Variants in MTHFD2L observed in about 807,000 individuals in gnomAD.
The protein encoded by MTHFD2L is bifunctional methylenetetrahydrofolate dehydrogenase/cyclohydrolase 2, mitochondrial.
A neutral mutation model predicts 34.9 loss-of-function variants in MTHFD2L; 29 were observed. That is an observed-to-expected ratio of 0.83 (90% CI 0.62 to 1.13). The LOEUF is 1.13. Among genes scored for constraint, MTHFD2L ranks in the 50% most tolerant of loss-of-function variants. MTHFD2L has a pLI of 0.00. For missense variants in MTHFD2L, 481 were observed against 446.5 expected (o/e 1.08, Z -0.70); for synonymous variants, 167 against 155.7 (o/e 1.07, Z -0.54).
chr4:74,242,311 C>T (rs1741843527), intron 6 of MTHFD2L: 1 of 151,976 alleles, frequency 6.6e-6, no homozygotes. Flanking sequence ...TATCATGGTA[C>T]ATTATTTTTA....
chr4:74,282,190 T>C (rs1747583262), intron 7 of MTHFD2L, among the ~76,000 whole-genome samples: 1 of 152,156 alleles, frequency 6.6e-6, no homozygotes, highest in South Asian at 2.1e-4. Flanking sequence ...TCTAGATGCC[T>C]GACCCTCTAA....
intron 1 of MTHFD2L, chr4:74,143,556 C>A: frequency 2.5e-6 from 1 of 395,258 alleles, no homozygotes; most frequent in Non-Finnish European, 3.4e-6. Context: ...GCCAAAGCAG[C>A]TCCATTTTCT....
intron 6 of MTHFD2L, among the ~76,000 whole-genome samples, chr4:74,258,970 T>A (rs190647800): frequency 2.2e-4 from 34 of 152,354 alleles, no homozygotes; most frequent in Admixed American, 2.1e-3. Flanking sequence ...TAGAAATTCA[T>A]CATGGTCATA....
chr4:74,247,149 T>C (rs549097447), intron 6 of MTHFD2L, among the ~76,000 whole-genome samples: 1,738 of 151,354 alleles, frequency 0.011, 44 homozygotes, highest in African/African-American at 0.04. Context: ...TCCTCTTTTA[T>C]TTCATTGAGC....
At chr4:74,116,426 A>G (rs1721656563) in intron 2 of MTHFD2L, among the ~76,000 whole-genome samples, 1 of 152,218 alleles carries the variant, frequency 6.6e-6, no homozygotes, top group Non-Finnish European at 1.5e-5. Flanking sequence ...CTGTAAAGAA[A>G]TAAAGTCAGA....
intron 6 of MTHFD2L, among the ~76,000 whole-genome samples, chr4:74,237,909 T>A (rs543839066): frequency 6.6e-6 from 1 of 152,344 alleles, no homozygotes; most frequent in Admixed American, 6.5e-5. Flanking sequence ...ATTGCTTTAC[T>A]TTCTACTGTG....
Position 74,300,533 on chromosome 4 carries a change from A to G in MTHFD2L, c.932-1164A>G, listed in dbSNP as rs771596604. The stretch of plus-strand genomic sequence containing the variant: ...TAAATAGCATGTGGTTAATAATGTC[A>G]GATTATGCATTAAAGAAATATTGTC... On this transcript the variant is annotated intron_variant, in intron 7 of 7. Transcript: ENST00000325278. Among the ~76,000 whole-genome samples the G allele has an allele frequency of 3.6e-4, 54 of 152,086 alleles. 2 individuals are homozygous for G. The highest frequency in any genetic ancestry group is 8.8e-5 in the Non-Finnish European group (6 of 67,958).
At chr4:74,250,800 T>C (rs755546018) in intron 6 of MTHFD2L, among the ~76,000 whole-genome samples, 1 of 152,142 alleles carries the variant, frequency 6.6e-6, no homozygotes, top group Non-Finnish European at 1.5e-5. Context: ...TCTGTATGTG[T>C]GTGTTAAGAT....
At chr4:74,257,709 G>A (rs973095881) in intron 6 of MTHFD2L, among the ~76,000 whole-genome samples, 2 of 152,066 alleles carry the variant, frequency 1.3e-5, no homozygotes, top group Admixed American at 6.6e-5. Context: ...GGATATGACC[G>A]CCAAAGCACA....
upstream of MTHFD2L, among the ~76,000 whole-genome samples, chr4:74,122,743 T>C (rs958794847): frequency 6.6e-6 from 1 of 152,192 alleles, no homozygotes; most frequent in Non-Finnish European, 1.5e-5. Context: ...AACAGTTTTA[T>C]CTATCTATCC....
chr4:74,290,998 C>CTTTTTTTTT (rs1560565979), intron 7 of MTHFD2L, among the ~76,000 whole-genome samples: 10 of 46,184 alleles, frequency 2.2e-4, no homozygotes, highest in African/African-American at 6.7e-4. Flanking sequence ...TTTATTTTTC[C>CTTTTTTTTT]TTTTCTTTTT....
intron 1 of MTHFD2L, among the ~76,000 whole-genome samples, chr4:74,150,560 G>A (rs1035766807): frequency 1.3e-5 from 2 of 152,106 alleles, no homozygotes; most frequent in African/African-American, 4.8e-5. Flanking sequence ...GGCCAAGTTT[G>A]TATTATTTAA....
chr4:74,236,989 A>G (rs911810774), intron 6 of MTHFD2L, among the ~76,000 whole-genome samples: 4 of 152,196 alleles, frequency 2.6e-5, no homozygotes, highest in African/African-American at 7.2e-5. Flanking sequence ...TAACACCCAT[A>G]TCAGGCATAA....
At chr4:74,208,110 C>T (rs1204645075) in intron 5 of MTHFD2L, among the ~76,000 whole-genome samples, 2 of 152,126 alleles carry the variant, frequency 1.3e-5, no homozygotes, top group Non-Finnish European at 2.9e-5. Context: ...ACTCTCATCC[C>T]ACTACCCCCA....
chr4:74,201,355 C>T lies in MTHFD2L; in HGVS notation c.697C>T (p.His233Tyr), dbSNP rs770273067. 1 of 1,612,774 alleles carries T rather than the reference C, an allele frequency of 6.2e-7. No individual in the cohort carries two copies. Among genetic ancestry groups the T allele is most frequent in the South Asian group, 1.1e-5 (1 of 90,868 alleles). The change falls in exon 5 of 8, where the codon CAT becomes TAT. Residue 233 changes from histidine (H) to tyrosine (Y), a missense_variant. His to Tyr is a moderately conservative substitution (Grantham distance 83). Coordinates refer to ENST00000325278, the MANE Select transcript of MTHFD2L (RefSeq NM_001144978.3). ...IAMLLHTDGEHERPGGDATVT... is the reference protein window; with the variant it reads ...IAMLLHTDGEYERPGGDATVT... ...CATGCTTTTACACACTGATGGAGAGCATGAACGGCCAGGAGGTAGGTAGAA... is the reference window on the plus strand; with the variant it reads ...CATGCTTTTACACACTGATGGAGAGTATGAACGGCCAGGAGGTAGGTAGAA...
intron 7 of MTHFD2L, among the ~76,000 whole-genome samples, chr4:74,298,730 C>T (rs1049056140): frequency 6.6e-6 from 1 of 151,896 alleles, no homozygotes; most frequent in Non-Finnish European, 1.5e-5. Flanking sequence ...AGAATCTTTT[C>T]CTCTTCATTT....
intron 6 of MTHFD2L, among the ~76,000 whole-genome samples, chr4:74,230,242 G>A (rs893860420): frequency 3.9e-5 from 6 of 152,164 alleles, no homozygotes; most frequent in South Asian, 2.1e-4. Context: ...AGTAGTTCAT[G>A]TCATTAAGTG....
chr4:74,290,993 TTTTCC>T, intron 7 of MTHFD2L, among the ~76,000 whole-genome samples: 1 of 141,806 alleles, frequency 7.1e-6, no homozygotes, highest in Non-Finnish European at 1.5e-5. Flanking sequence ...TTACATTTAT[TTTTCC>T]TTTTCTTTTT....
At chr4:74,202,378 C>T (rs1424677750) in intron 5 of MTHFD2L, among the ~76,000 whole-genome samples, 1 of 152,172 alleles carries the variant, frequency 6.6e-6, no homozygotes, top group Non-Finnish European at 1.5e-5. Context: ...AGGCTGCCTT[C>T]AGACTGATTT....
Sources: gnomAD v4.1 joint callset for allele counts (sites outside exome capture counted in the v4.1 genomes callset) on GRCh38, gnomAD v4.1.1 for gene constraint, MANE v1.5 for transcripts, NCBI Gene and HGNC (gene_info 2026-07-23, HGNC 2026-07-21) for gene names.